Variants in TANC2 observed in about 807,000 individuals in gnomAD.
The protein encoded by TANC2 is protein TANC2.
In TANC2, 26 loss-of-function variants were observed where a neutral mutation model predicts 210.5. The ratio of observed to expected loss-of-function variants is 0.12; its 90% CI spans 0.09 to 0.17. TANC2 has a LOEUF of 0.17. Among genes scored for constraint, TANC2 ranks in the 10% least tolerant of loss-of-function variants. The pLI, the probability that TANC2 is intolerant of heterozygous loss-of-function variation, is 1.00. For synonymous variants in TANC2, 931 were observed against 967.1 expected, an observed-to-expected ratio of 0.96 and a Z score of 0.69; for missense variants, 2,129 against 2,608.9, an observed-to-expected ratio of 0.82 and a Z score of 4.01.
chr17:63,243,574 CAA>C (rs1567847736), intron 8 of TANC2, among the ~76,000 whole-genome samples: 1 of 152,114 alleles, frequency 6.6e-6, no homozygotes. Context: ...AAAGAAGACT[CAA>C]AAGAGTGCCT....
At chr17:63,374,034 T>G (rs1386425929) in intron 14 of TANC2, among the ~76,000 whole-genome samples, 1 of 138,828 alleles carries the variant, frequency 7.2e-6, no homozygotes, top group Non-Finnish European at 1.6e-5. Context: ...TGTTGTTGGT[T>G]TTTTTTTTTT....
At chr17:63,031,213 T>A (rs1275601198) in intron 2 of TANC2, among the ~76,000 whole-genome samples, 1 of 152,112 alleles carries the variant, frequency 6.6e-6, no homozygotes, top group East Asian at 1.9e-4. Context: ...CCTATTTAAT[T>A]TCTTTCCTAA....
chr17:63,046,568 G>A (rs2144328715), intron 2 of TANC2, among the ~76,000 whole-genome samples: 1 of 151,548 alleles, frequency 6.6e-6, no homozygotes, highest in East Asian at 2.0e-4. Flanking sequence ...CTGACCTCAG[G>A]TGATCCACCT....
At chr17:63,358,907 A>G (rs555589107) in intron 14 of TANC2, among the ~76,000 whole-genome samples, 34 of 150,224 alleles carry the variant, frequency 2.3e-4, no homozygotes, top group Admixed American at 4.6e-4. Flanking sequence ...TTCTGTTTCT[A>G]TTCCTCATTT....
exon 15 of TANC2, chr17:63,379,808 C>T (rs866529770): frequency 1.2e-6 from 2 of 1,610,970 alleles, no homozygotes; most frequent in East Asian, 2.2e-5. Flanking sequence ...ATCACATCCT[C>T]AAAGCACACA....
chr17:63,069,807 G>T (rs762893579), intron 2 of TANC2, among the ~76,000 whole-genome samples: 80 of 152,182 alleles, frequency 5.3e-4, no homozygotes, highest in Admixed American at 2.1e-3. Context: ...GGGTTCCATT[G>T]TGCTTTTTTC....
chr17:63,003,566 A>G (rs561203728), intron 1 of TANC2, among the ~76,000 whole-genome samples: 20 of 152,322 alleles, frequency 1.3e-4, no homozygotes, highest in African/African-American at 4.8e-4. Flanking sequence ...TCATCAGGCT[A>G]CTTAGAATGG....
In TANC2 at chr17:63,412,047, G is replaced by C. The variant is rs1187720722; in HGVS notation, c.3815G>C (p.Ser1272Thr). 2.5e-6 allele frequency: 4 copies of C among 1,613,788 alleles called. No individual in the cohort carries two copies. The African/African-American group carries it at 5.3e-5, about 22-fold the overall frequency. Residue 1272 changes from serine (S) to threonine (T), a missense_variant, in exon 23 of 28, where the codon AGT (serine) becomes ACT (threonine). Ser to Thr is a moderately conservative substitution (Grantham distance 58, BLOSUM62 1). Transcript: ENST00000689528. This position sits in a 1 kb window ranked among gnomAD's most constrained non-coding sequence, Gnocchi z 4.2. Reference sequence around the variant, plus strand: ...GCCATGATCGAGCACGTTGACTACAGTGGAATGCGCCCTTTGGATAGGGCA... The same window carrying C: ...GCCATGATCGAGCACGTTGACTACACTGGAATGCGCCCTTTGGATAGGGCA...
At chr17:63,082,441 C>A (rs1335860787) in intron 3 of TANC2, among the ~76,000 whole-genome samples, 2 of 152,116 alleles carry the variant, frequency 1.3e-5, no homozygotes, top group Non-Finnish European at 2.9e-5. Context: ...GTTTGAAGAG[C>A]TAGTTCCCAC....
chr17:63,341,230 A>G (rs142344255), intron 12 of TANC2, among the ~76,000 whole-genome samples: 9 of 152,324 alleles, frequency 5.9e-5, no homozygotes, highest in Non-Finnish European at 7.3e-5. Flanking sequence ...GGTTACTTGG[A>G]TATCAGAATT....
intron 14 of TANC2, 69 bp from the exon 15 acceptor site, chr17:63,379,649 A>G: frequency 1.6e-6 from 2 of 1,275,580 alleles, no homozygotes; most frequent in South Asian, 1.5e-5. Context: ...AGTCTGGGCA[A>G]CAGAGTGAGA....
intron 2 of TANC2, among the ~76,000 whole-genome samples, chr17:63,026,748 C>T (rs1419000223): frequency 1.3e-5 from 2 of 152,180 alleles, no homozygotes; most frequent in East Asian, 3.9e-4. Context: ...GGTTTATTTC[C>T]ATACTCTGAA....
At chr17:63,112,525 A>G (rs1320502437) in intron 4 of TANC2, among the ~76,000 whole-genome samples, 1 of 152,210 alleles carries the variant, frequency 6.6e-6, no homozygotes, top group Non-Finnish European at 1.5e-5. Flanking sequence ...CTAGGACCCA[A>G]AGAACTGATA....
chr17:63,417,299 C>T (rs1368299065), intron 26 of TANC2, among the ~76,000 whole-genome samples: 2 of 152,182 alleles, frequency 1.3e-5, no homozygotes, highest in Non-Finnish European at 2.9e-5. Flanking sequence ...GACTCATGAC[C>T]ATAACCAGAG....
chr17:63,271,223 G>T (rs1184818442), intron 9 of TANC2, among the ~76,000 whole-genome samples: 1 of 152,018 alleles, frequency 6.6e-6, no homozygotes, highest in Non-Finnish European at 1.5e-5. Flanking sequence ...TTAGATCTTT[G>T]AGGAATTGCC....
chr17:62,996,518 T>C (rs1052283320), intron 1 of TANC2, among the ~76,000 whole-genome samples: 5 of 151,750 alleles, frequency 3.3e-5, no homozygotes, highest in Admixed American at 2.6e-4. Context: ...GTTCTAACCA[T>C]GAAGCATCCT....
chr17:62,980,559 C>T (rs926689816), intron 1 of TANC2, among the ~76,000 whole-genome samples: 3 of 152,126 alleles, frequency 2.0e-5, no homozygotes, highest in Non-Finnish European at 4.4e-5. Context: ...GAATACTTAA[C>T]ATGCAATACT....
At chr17:63,195,431 G>C (rs907781911) in intron 6 of TANC2, among the ~76,000 whole-genome samples, 1 of 152,074 alleles carries the variant, frequency 6.6e-6, no homozygotes, top group Non-Finnish European at 1.5e-5. Flanking sequence ...CACTCTTTCA[G>C]CAAATCGTAG....
At chr17:63,187,635 G>T (rs1013472006) in intron 5 of TANC2, among the ~76,000 whole-genome samples, 2 of 151,974 alleles carry the variant, frequency 1.3e-5, no homozygotes, top group African/African-American at 2.4e-5. Flanking sequence ...TGTTCTAAGT[G>T]TGATGAAAAC....
Sources: allele counts gnomAD v4.1 joint callset (sites outside exome capture counted in the v4.1 genomes callset), GRCh38; gene constraint gnomAD v4.1.1; non-coding constraint Gnocchi (gnomAD v3.1); transcripts MANE v1.5; gene names NCBI Gene and HGNC (gene_info 2026-07-23, HGNC 2026-07-21).